LIPH: variants seen among roughly 807,000 people sequenced by gnomAD.
LIPH encodes lipase member H.
In LIPH, 32 loss-of-function variants were observed where a neutral mutation model predicts 47.6. The ratio of observed to expected loss-of-function variants is 0.67; its 90% CI spans 0.51 to 0.90. LIPH has a LOEUF of 0.90. LIPH is among the 40% of genes least tolerant of loss of function. LIPH has a pLI of 0.00. For missense variants in LIPH, 497 were observed against 541.4 expected (o/e 0.92, Z 0.81); for synonymous variants, 190 against 195.6 (o/e 0.97, Z 0.24).
intron 1 of LIPH, among the ~76,000 whole-genome samples, chr3:185,549,172 G>A (rs1720978986): frequency 6.6e-6 from 1 of 151,910 alleles, no homozygotes; most frequent in South Asian, 2.1e-4. Flanking sequence ...TTTTACCCTG[G>A]GCGGAGACAG....
At position 185,534,850 on chromosome 3, in the gene LIPH, C is replaced by T. The variant is rs1720451943; in HGVS notation, c.332G>A (p.Gly111Glu). 6.2e-7 allele frequency: 1 copy of T among 1,613,948 alleles called. No individual in the cohort carries two copies. Among genetic ancestry groups the T allele is most frequent in the Non-Finnish European group, 8.5e-7 (1 of 1,179,928 alleles). The change falls in exon 2 of 10, where the codon GGA becomes GAA. Residue 111 changes from glycine (G) to glutamate (E), a missense_variant. Physicochemically the swap from Gly to Glu is moderately conservative, Grantham distance 98. Coordinates refer to ENST00000296252, the MANE Select transcript of LIPH (RefSeq NM_139248.3). ...MNVVVVDWNR[G>E]ATTLIYTHAS... Reference sequence around the variant, plus strand: ...ATGGGTATATATTAAAGTTGTAGCTCCTCGATTCCAATCAACAACAACTAC... The same window carrying T: ...ATGGGTATATATTAAAGTTGTAGCTTCTCGATTCCAATCAACAACAACTAC...
chr3:185,522,650 A>AAGAAAAAG (rs1235808164), intron 5 of LIPH, among the ~76,000 whole-genome samples: 1 of 141,896 alleles, frequency 7.0e-6, no homozygotes, highest in Non-Finnish European at 1.5e-5. Flanking sequence ...GAGAGAAAGA[A>AAGAAAAAG]AAAGAAAGAA....
At chr3:185,538,334 T>G (rs1032975746) in intron 1 of LIPH, among the ~76,000 whole-genome samples, 1 of 152,176 alleles carries the variant, frequency 6.6e-6, no homozygotes, top group Non-Finnish European at 1.5e-5. Flanking sequence ...GAAGAATCAG[T>G]CAGTAATGAA....
At chr3:185,513,788 C>A (rs908759461) in intron 8 of LIPH, among the ~76,000 whole-genome samples, 2 of 152,150 alleles carry the variant, frequency 1.3e-5, no homozygotes, top group Non-Finnish European at 2.9e-5. Flanking sequence ...CACCTGTAAT[C>A]CCAGCACTTT....
At chr3:185,532,442 C>A (rs9856267) in intron 3 of LIPH, among the ~76,000 whole-genome samples, 4 of 151,496 alleles carry the variant, frequency 2.6e-5, no homozygotes, top group African/African-American at 7.3e-5. Flanking sequence ...CCTGGGGGGG[C>A]GTTGAGGCTG....
At chr3:185,524,990 T>C (rs1203223411) in intron 4 of LIPH, among the ~76,000 whole-genome samples, 4 of 152,060 alleles carry the variant, frequency 2.6e-5, no homozygotes, top group South Asian at 2.1e-4. Flanking sequence ...CCCAGCATTT[T>C]GGGAGGCTGA....
rs1553823228 is a variant in LIPH, at chr3:185,529,942, GAA to G, written c.527-2359_527-2358del. Among the ~76,000 whole-genome samples, 6 of 52,596 alleles carry G rather than the reference GAA, an allele frequency of 1.1e-4. No homozygotes were observed. The South Asian group carries it at 4.1e-3, about 36-fold the overall frequency. The allele number at this position is 52,596 out of a possible 152,430, so 34.5% of individuals were successfully genotyped here. A position where few individuals can be genotyped will look rare whatever the true frequency, so the allele number is the denominator to read the frequency against. ...AGAAAGAAAGAAAGAAAGAAAGAAA[GAA>G]AGAAAGAAAGAAAGAAAGAAGGAAA... On this transcript the variant is annotated intron_variant, in intron 3 of 9. Transcript: ENST00000296252.
rs533334084 is a variant in LIPH, at chr3:185,511,657, G to A, written c.1135C>T (p.Leu379Phe). The A allele has an allele frequency of 2.5e-4, 401 of 1,613,448 alleles. 8 individuals are homozygous for A. In the South Asian group the frequency reaches 4.2e-3, roughly 17 times the overall value. ...TCCAGATCTTGATTAAATCTTGCAA[G>A]TAGACTCACTTGGTGATATTTCTGA... ...TFQKYHQVSLLARFNQDLDKV... is the reference protein window; with the variant it reads ...TFQKYHQVSLFARFNQDLDKV... Residue 379 changes from leucine (L) to phenylalanine (F), a missense_variant, in exon 9 of 10, where the codon CTT becomes TTT. Physicochemically the swap from Leu to Phe is conservative, Grantham distance 22. Transcript: ENST00000296252.
rs1258431179 is a variant in LIPH at position 185,508,508 on chromosome 3, A to G, written c.*282T>C. Reference sequence around the variant, plus strand: ...ACCCGCGTGACAGGCAGCAGAATTGACAGGTCGGAACAAGGGAGGCCCCAG... The same window carrying G: ...ACCCGCGTGACAGGCAGCAGAATTGGCAGGTCGGAACAAGGGAGGCCCCAG... On this transcript the variant is annotated 3_prime_UTR_variant, in exon 10 of 10. Coordinates refer to ENST00000296252, the MANE Select transcript of LIPH (RefSeq NM_139248.3). The G allele has an allele frequency of 4.7e-6, 2 of 425,612 alleles. No homozygotes were observed. The highest frequency in any genetic ancestry group is 8.7e-6 in the Non-Finnish European group (2 of 229,616). 26.4% of individuals were successfully genotyped at this position (425,612 alleles called of 1,614,324 possible).
intron 4 of LIPH, among the ~76,000 whole-genome samples, chr3:185,526,617 TAATAAA>T (rs1215881142): frequency 5.6e-5 from 2 of 35,860 alleles, no homozygotes; most frequent in Non-Finnish European, 1.3e-4. Flanking sequence ...AAAAATAAAA[TAATAAA>T]ATAAAATATA....
chr3:185,528,241 AG>A (rs1197525285), intron 3 of LIPH, among the ~76,000 whole-genome samples: 2 of 151,214 alleles, frequency 1.3e-5, no homozygotes, highest in Non-Finnish European at 1.5e-5. Flanking sequence ...AGAGAGAGAG[AG>A]AGAGAAAGAA....
At chr3:185,523,646 A>G (rs1459259352) in intron 5 of LIPH, among the ~76,000 whole-genome samples, 1 of 152,086 alleles carries the variant, frequency 6.6e-6, no homozygotes, top group Non-Finnish European at 1.5e-5. Context: ...GGCTCAAGCA[A>G]TCTTCCCACC....
chr3:185,542,323 C>CT (rs113312470), intron 1 of LIPH, among the ~76,000 whole-genome samples: 424 of 145,160 alleles, frequency 2.9e-3, no homozygotes, highest in African/African-American at 8.9e-3. Context: ...TTTCTTTTTT[C>CT]TTTTTTTTTT....
At chr3:185,545,262 G>T (rs1720835922) in intron 1 of LIPH, among the ~76,000 whole-genome samples, 1 of 152,138 alleles carries the variant, frequency 6.6e-6, no homozygotes, top group African/African-American at 2.4e-5. Context: ...AATATCCTTT[G>T]ATAAGGAATT....
intron 9 of LIPH, among the ~76,000 whole-genome samples, chr3:185,510,421 C>T (rs902030588): frequency 2.6e-5 from 4 of 152,172 alleles, no homozygotes; most frequent in South Asian, 2.1e-4. Context: ...CTCTCCTTCT[C>T]GCCCTCTTTC....
intron 1 of LIPH, among the ~76,000 whole-genome samples, chr3:185,545,570 C>T (rs1460720693): frequency 6.6e-6 from 1 of 152,146 alleles, no homozygotes; most frequent in East Asian, 1.9e-4. Context: ...AAAATGTTTG[C>T]CAACCCTAGT....
intron 1 of LIPH, among the ~76,000 whole-genome samples, chr3:185,551,146 C>T (rs1721037256): frequency 6.6e-6 from 1 of 152,108 alleles, no homozygotes; most frequent in Non-Finnish European, 1.5e-5. Flanking sequence ...TGCACTCCAG[C>T]CTGGATGACA....
chr3:185,527,404 T>C (rs983533328), intron 4 of LIPH, 80 bp downstream of exon 4: 1 of 969,426 alleles, frequency 1.0e-6, no homozygotes, highest in Middle Eastern at 2.1e-4. Flanking sequence ...CCTGATCTGC[T>C]CCTACATGAT....
In LIPH at chr3:185,524,641, G is replaced by A. The variant is rs143818543; in HGVS notation, c.629-481C>T. 1.6e-3 allele frequency among the ~76,000 whole-genome samples: 247 copies of A among 151,990 alleles called. 1 individual carries two copies. The highest frequency in any genetic ancestry group is 5.7e-3 in the African/African-American group (238 of 41,458). ...ACTTTTTGTGTTTTTAGTAGAGACG[G>A]GGTTTCACCATGTTGTCCAGGCTGG... On this transcript the variant is annotated intron_variant, in intron 4 of 9. Coordinates refer to ENST00000296252, the MANE Select transcript of LIPH (RefSeq NM_139248.3).
Sources: allele counts gnomAD v4.1 joint callset (sites outside exome capture counted in the v4.1 genomes callset), GRCh38; gene constraint gnomAD v4.1.1; transcripts MANE v1.5; gene names NCBI Gene and HGNC (gene_info 2026-07-23, HGNC 2026-07-21).